Variants in ELMOD1 observed in about 807,000 individuals in gnomAD.
ELMOD1 encodes ELMO domain containing 1, also known as ELMO domain-containing protein 1.
A neutral mutation model predicts 46.7 loss-of-function variants in ELMOD1; 21 were observed. The ratio of observed to expected loss-of-function variants is 0.45; its 90% CI spans 0.32 to 0.65. The LOEUF (loss-of-function observed/expected upper bound fraction) is 0.65. Ranked by LOEUF, ELMOD1 falls within the 30% of genes least tolerant of loss-of-function variation. The pLI is 0.04. For synonymous variants in ELMOD1, 122 were observed against 138.2 expected (o/e 0.88, Z 0.82); for missense variants, 348 against 407.8 (o/e 0.85, Z 1.26).
chr11:107,592,223 C>G (rs113560337), intron 1 of ELMOD1: 5 of 397,436 alleles, frequency 1.3e-5, no homozygotes, highest in African/African-American at 1.2e-4. Context: ...CACGGGCTCA[C>G]TTGCTTCAGA....
intron 5 of ELMOD1, among the ~76,000 whole-genome samples, chr11:107,634,496 TGGGAGGCAGA>T (rs1202975050): frequency 2.0e-5 from 3 of 152,128 alleles, no homozygotes; most frequent in Admixed American, 6.5e-5. Context: ...CCCAGCACTT[TGGGAGGCAGA>T]GGGAGGCAGA....
Position 107,654,222 on chromosome 11 carries a change from G to A in ELMOD1, c.698G>A (p.Gly233Glu). 1 of 1,589,590 alleles carries A rather than the reference G, an allele frequency of 6.3e-7. No homozygotes were observed. The highest frequency in any genetic ancestry group is 8.6e-7 in the Non-Finnish European group (1 of 1,167,128). ...WEKKRMDKAI[G>E]YSFAIVGINI... ...AAGAAAAGGATGGATAAGGCAATTGGGTGAGTATGGGATCTCACATGGAAA... is the reference window on the plus strand; with the variant it reads ...AAGAAAAGGATGGATAAGGCAATTGAGTGAGTATGGGATCTCACATGGAAA... The change falls in exon 10 of 12, where the codon GGG (glycine) becomes GAG (glutamate). Residue 233 changes from glycine to glutamate, a missense_variant and splice_region_variant. By Grantham distance (98) the Gly-to-Glu change is moderately conservative. Coordinates refer to ENST00000265840, the MANE Select transcript of ELMOD1 (RefSeq NM_018712.4).
chr11:107,605,484 A>G (rs1208128034), intron 1 of ELMOD1, among the ~76,000 whole-genome samples: 1 of 152,196 alleles, frequency 6.6e-6, no homozygotes, highest in African/African-American at 2.4e-5. Context: ...TATGGGCATA[A>G]GCCAGGGCGC....
At chr11:107,624,426 A>G (rs1341123401) in intron 2 of ELMOD1, among the ~76,000 whole-genome samples, 1 of 152,162 alleles carries the variant, frequency 6.6e-6, no homozygotes, top group Non-Finnish European at 1.5e-5. Flanking sequence ...TGAGGCAGGC[A>G]GATTGCTCAA....
At chr11:107,643,474 A>G in intron 6 of ELMOD1, 1 of 301,018 alleles carries the variant, frequency 3.3e-6, no homozygotes, top group Non-Finnish European at 6.9e-6. Context: ...CTGGGGAAAT[A>G]GTTACTGCTT....
chr11:107,643,460 C>A (rs1459491809), intron 6 of ELMOD1: 1 of 296,468 alleles, frequency 3.4e-6, no homozygotes, highest in Admixed American at 4.4e-5. Context: ...TTATACTAAC[C>A]CTGCTGGGGA....
chr11:107,626,824 T>C (rs1056917328), intron 2 of ELMOD1, among the ~76,000 whole-genome samples: 9 of 152,212 alleles, frequency 5.9e-5, no homozygotes, highest in African/African-American at 2.2e-4. Flanking sequence ...AGCAGTTTTT[T>C]CCATAAACTT....
intron 1 of ELMOD1, among the ~76,000 whole-genome samples, chr11:107,614,272 A>G (rs1226431754): frequency 6.6e-6 from 1 of 152,204 alleles, no homozygotes; most frequent in Non-Finnish European, 1.5e-5. Context: ...ATGGTATCCT[A>G]TATCTATAAT....
At chr11:107,639,574 G>A (rs1866284600) in intron 6 of ELMOD1, among the ~76,000 whole-genome samples, 1 of 152,130 alleles carries the variant, frequency 6.6e-6, no homozygotes, top group Admixed American at 6.5e-5. Context: ...TGGCTCGAGG[G>A]CAGATGAATC....
At chr11:107,649,668 A>T (rs1368244624) in intron 7 of ELMOD1, among the ~76,000 whole-genome samples, 2 of 152,152 alleles carry the variant, frequency 1.3e-5, no homozygotes, top group African/African-American at 4.8e-5. Context: ...GAAATTCAAG[A>T]ACTTCTTTTA....
chr11:107,645,509 G>A (rs1866413666), intron 6 of ELMOD1, among the ~76,000 whole-genome samples: 1 of 151,736 alleles, frequency 6.6e-6, no homozygotes, highest in Admixed American at 6.6e-5. Context: ...ATGTTTAGTA[G>A]GGATGGGGTT....
At chr11:107,664,668 C>A (rs932734443) in intron 11 of ELMOD1, among the ~76,000 whole-genome samples, 1 of 151,930 alleles carries the variant, frequency 6.6e-6, no homozygotes, top group African/African-American at 2.4e-5. Context: ...AAAGTTGGAC[C>A]GTCACATTAA....
chr11:107,597,334 C>T (rs1465154204), intron 1 of ELMOD1, among the ~76,000 whole-genome samples: 1 of 152,114 alleles, frequency 6.6e-6, no homozygotes, highest in Non-Finnish European at 1.5e-5. Flanking sequence ...TCCTAGTTTA[C>T]CAACAGTTTG....
chr11:107,595,999 A>G (rs939033476), intron 1 of ELMOD1, among the ~76,000 whole-genome samples: 21 of 152,114 alleles, frequency 1.4e-4, no homozygotes, highest in Non-Finnish European at 2.9e-4. Flanking sequence ...TAATTGTGGC[A>G]AATGCCTAAG....
intron 1 of ELMOD1, among the ~76,000 whole-genome samples, chr11:107,603,738 A>G (rs1865642027): frequency 6.6e-6 from 1 of 151,798 alleles, no homozygotes. Context: ...TTAGCTGAGC[A>G]TGGTGGCACA....
intron 1 of ELMOD1, among the ~76,000 whole-genome samples, chr11:107,609,637 C>T (rs558692845): frequency 2.7e-4 from 41 of 152,260 alleles, no homozygotes; most frequent in African/African-American, 8.9e-4. Context: ...TTCTTGATGC[C>T]GGGCGAGAGG....
chr11:107,630,741 A>G lies in ELMOD1; in HGVS notation c.192+13A>G. The G allele has an allele frequency of 1.3e-6, 2 of 1,593,320 alleles. No individual in the cohort carries two copies. The highest frequency in any genetic ancestry group is 2.3e-5 in the South Asian group (2 of 87,600). On this transcript the variant is annotated intron_variant, in intron 4 of 11. Coordinates refer to ENST00000265840, the MANE Select transcript of ELMOD1 (RefSeq NM_018712.4). ...TTCTAAAAGTAAGGTAAGTAAAATT[A>G]TTTTTCAGCAGCTTTTTTTTCACTT...
chr11:107,625,872 A>C (rs1866032192), intron 2 of ELMOD1, among the ~76,000 whole-genome samples: 1 of 152,232 alleles, frequency 6.6e-6, no homozygotes, highest in Non-Finnish European at 1.5e-5. Flanking sequence ...AGTAGCTCTT[A>C]TTATTGAATC....
intron 1 of ELMOD1, among the ~76,000 whole-genome samples, chr11:107,601,659 A>G (rs1436900077): frequency 2.0e-5 from 3 of 151,688 alleles, no homozygotes; most frequent in Non-Finnish European, 2.9e-5. Context: ...CAAACGATCC[A>G]CCTGCCTCGG....
Sources: gnomAD v4.1 joint callset for allele counts (sites outside exome capture counted in the v4.1 genomes callset) on GRCh38, gnomAD v4.1.1 for gene constraint, MANE v1.5 for transcripts, NCBI Gene and HGNC (gene_info 2026-07-23, HGNC 2026-07-21) for gene names.